The following NEK1 variants were observed in gnomAD, a reference collection of about 807,000 sequenced individuals.
NEK1 encodes serine/threonine-protein kinase Nek1.
In NEK1, 137 loss-of-function variants were observed where a neutral mutation model predicts 182.1. That is an observed-to-expected ratio of 0.75 (90% CI 0.65 to 0.87). NEK1 has a LOEUF of 0.87. NEK1 is among the 40% of genes least tolerant of loss of function. The pLI, the probability that NEK1 is intolerant of heterozygous loss-of-function variation, is 0.00. For synonymous variants in NEK1, 513 were observed against 492.2 expected, an observed-to-expected ratio of 1.04 and a Z score of -0.56; for missense variants, 1,391 against 1,494.4, an observed-to-expected ratio of 0.93 and a Z score of 1.14.
At chr4:169,449,907 T>C (rs908277964) in intron 27 of NEK1, among the ~76,000 whole-genome samples, 3 of 152,124 alleles carry the variant, frequency 2.0e-5, no homozygotes, top group Non-Finnish European at 4.4e-5. Flanking sequence ...TTTGAACTCA[T>C]AGCAAGGAAG....
intron 23 of NEK1, among the ~76,000 whole-genome samples, chr4:169,480,934 T>C (rs940533341): frequency 6.6e-6 from 1 of 152,174 alleles, no homozygotes; most frequent in East Asian, 1.9e-4. Context: ...ACAGTAGAAC[T>C]TCTTTCAAAA....
intron 19 of NEK1, among the ~76,000 whole-genome samples, chr4:169,514,924 G>A (rs1482896035): frequency 1.3e-5 from 2 of 151,820 alleles, no homozygotes; most frequent in Non-Finnish European, 1.5e-5. Context: ...TTTGAGTTAG[G>A]AATTTACAGT....
intron 27 of NEK1, among the ~76,000 whole-genome samples, chr4:169,445,849 C>CAT (rs70964204): frequency 0.43 from 59,773 of 139,938 alleles, 13,470 homozygotes; most frequent in East Asian, 0.73. Context: ...CAACTATATA[C>CAT]ATATATATAT....
chr4:169,555,645 T>C (rs776994481), intron 18 of NEK1, 75 bp downstream of exon 18: 151 of 1,558,362 alleles, frequency 9.7e-5, no homozygotes, highest in Middle Eastern at 3.4e-4. Flanking sequence ...ATCCACAAAG[T>C]GTAGGTACTA....
intron 31 of NEK1, among the ~76,000 whole-genome samples, chr4:169,420,090 A>T (rs887920961): frequency 1.3e-5 from 2 of 152,196 alleles, no homozygotes; most frequent in African/African-American, 4.8e-5. Flanking sequence ...CAATAAATTA[A>T]CCTTATCTTA....
chr4:169,429,873 C>A (rs1178064658), intron 29 of NEK1, among the ~76,000 whole-genome samples: 1 of 151,970 alleles, frequency 6.6e-6, no homozygotes, highest in Non-Finnish European at 1.5e-5. Flanking sequence ...TTTATAAATT[C>A]TGGATATTAA....
rs1731437669 is a variant in NEK1, at chr4:169,400,302, T to C, written c.3770A>G (p.Asn1257Ser). Residue 1257 changes from asparagine to serine, a missense_variant, in exon 35 of 36, where the codon AAT (asparagine) becomes AGT (serine). Physicochemically the swap from Asn to Ser is conservative, Grantham distance 46. Coordinates refer to ENST00000507142, the MANE Select transcript of NEK1 (RefSeq NM_001199397.3). Reference protein sequence around the residue: ...NIEICSKIVQNILGNEHQHLY... With the variant: ...NIEICSKIVQSILGNEHQHLY... ...ATGCTGATGTTCATTTCCCAAAATA[T>C]TTTGAACTATTTTTGAACAAATTTC... 1 of 1,550,332 alleles carries C rather than the reference T, an allele frequency of 6.5e-7. No individual in the cohort carries two copies. Among genetic ancestry groups the C allele is most frequent in the African/African-American group, 1.4e-5 (1 of 73,486 alleles).
At position 169,603,534 on chromosome 4, in the gene NEK1, ATTAG is replaced by A. The variant is rs1293759016; in HGVS notation, c.-48-860_-48-857del. 8.5e-5 allele frequency among the ~76,000 whole-genome samples: 13 copies of A among 152,274 alleles called. No homozygotes were observed. In the South Asian group the frequency reaches 2.3e-3, roughly 27 times the overall value. On this transcript the variant is annotated intron_variant, in intron 2 of 35. Transcript: ENST00000507142. ...ACATATTTACAGAAGTGTTGGAAGA[ATTAG>A]TTAATGTAAGAATGTACTGAAAACA...
At position 169,424,666 on chromosome 4, in the gene NEK1, G is replaced by A. The variant is rs1324788985; in HGVS notation, c.3109C>T (p.Pro1037Ser). ...VPQVQSVQCSPEESFAFRSHS... is the reference protein window; with the variant it reads ...VPQVQSVQCSSEESFAFRSHS... ...GATCGAAATGCAAAGGATTCTTCTG[G>A]TGAACACTGAACTGATTGAACTTGA... Residue 1037 changes from proline (P) to serine (S), a missense_variant, in exon 31 of 36, where the codon CCA (proline) becomes TCA (serine). By Grantham distance (74) the Pro-to-Ser change is moderately conservative. This residue lies in a region of NEK1 where 1,216 missense variants were observed against 1,277.6 expected (regional missense o/e 0.95). Transcript: ENST00000507142. The A allele has an allele frequency of 6.2e-7, 1 of 1,613,656 alleles. No individual in the cohort carries two copies. The highest frequency in any genetic ancestry group is 8.5e-7 in the Non-Finnish European group (1 of 1,179,804).
chr4:169,400,009 A>T (rs776974907), intron 35 of NEK1: 17 of 559,750 alleles, frequency 3.0e-5, no homozygotes, highest in Non-Finnish European at 5.4e-5. Context: ...TTGTAAATTA[A>T]ATTAAAAATA....
intron 3 of NEK1, 108 bp from the exon 4 acceptor site, chr4:169,602,212 C>A: frequency 1.3e-6 from 1 of 758,376 alleles, no homozygotes. Context: ...ACAGTTCAAT[C>A]AACAAAATAT....
At chr4:169,440,176 A>G (rs1739175730) in intron 27 of NEK1, among the ~76,000 whole-genome samples, 1 of 151,790 alleles carries the variant, frequency 6.6e-6, no homozygotes, top group Admixed American at 6.6e-5. Flanking sequence ...TTCTTAAAAC[A>G]TAGCAAAAAG....
At chr4:169,444,273 T>A (rs915565007) in intron 27 of NEK1, among the ~76,000 whole-genome samples, 11 of 151,890 alleles carry the variant, frequency 7.2e-5, no homozygotes, top group African/African-American at 2.2e-4. Flanking sequence ...TCCTCACCTA[T>A]CAATAATAAC....
chr4:169,566,907 T>C (rs1408011591), intron 12 of NEK1, among the ~76,000 whole-genome samples: 3 of 151,890 alleles, frequency 2.0e-5, no homozygotes, highest in Admixed American at 6.6e-5. Flanking sequence ...AGTTTGACAA[T>C]AGCTTGAACA....
chr4:169,556,011 C>G lies in NEK1; in HGVS notation c.1351G>C (p.Asp451His), dbSNP rs772130667. 6.2e-7 allele frequency: 1 copy of G among 1,613,484 alleles called. No homozygotes were observed. The change falls in exon 17 of 36, where the codon GAC (aspartate) becomes CAC (histidine). Residue 451 changes from aspartate to histidine, a missense_variant. Physicochemically the swap from Asp to His is moderately conservative, Grantham distance 81. Around this residue, in one of 5 missense-constraint regions of NEK1, gnomAD observed 1,216 missense variants for 1,277.6 expected, o/e 0.95. Coordinates refer to ENST00000507142, the MANE Select transcript of NEK1 (RefSeq NM_001199397.3). ...GQYEHYHAIFDQMQQQRAEDN... is the reference protein window; with the variant it reads ...GQYEHYHAIFHQMQQQRAEDN... ...TCTGCTCTTTGTTGCTGCATTTGGTCAAAAATGGCATGGTAATGTTCATAC... is the reference window on the plus strand; with the variant it reads ...TCTGCTCTTTGTTGCTGCATTTGGTGAAAAATGGCATGGTAATGTTCATAC...
intron 27 of NEK1, among the ~76,000 whole-genome samples, chr4:169,441,496 C>T (rs1442106313): frequency 1.3e-5 from 2 of 152,158 alleles, no homozygotes; most frequent in Non-Finnish European, 2.9e-5. Flanking sequence ...GACAGGCCCT[C>T]CTGCCTACCA....
intron 19 of NEK1, among the ~76,000 whole-genome samples, chr4:169,522,737 A>G (rs1756289115): frequency 6.6e-6 from 1 of 152,218 alleles, no homozygotes; most frequent in Non-Finnish European, 1.5e-5. Flanking sequence ...GGGCAGGGAT[A>G]GCCTGAGGCT....
intron 11 of NEK1, among the ~76,000 whole-genome samples, chr4:169,578,858 C>T (rs892521474): frequency 6.6e-6 from 1 of 152,112 alleles, no homozygotes; most frequent in Non-Finnish European, 1.5e-5. Context: ...CATACTCCAA[C>T]TGCATCTTGA....
At chr4:169,411,437 G>A (rs4580620) in intron 31 of NEK1, among the ~76,000 whole-genome samples, 5 of 151,488 alleles carry the variant, frequency 3.3e-5, no homozygotes, top group African/African-American at 7.3e-5. Flanking sequence ...AGCGACTTTC[G>A]GGCCTCAGCC....
Sources: allele counts gnomAD v4.1 joint callset (sites outside exome capture counted in the v4.1 genomes callset), GRCh38; gene constraint gnomAD v4.1.1; regional missense constraint gnomAD v4.1.1; transcripts MANE v1.5; gene names NCBI Gene and HGNC (gene_info 2026-07-23, HGNC 2026-07-21).